Variants in TNIP2 observed in about 807,000 individuals in gnomAD.
TNIP2 encodes the protein TNFAIP3 interacting protein 2.
Under a neutral mutation model 43.7 loss-of-function variants are expected in TNIP2, and 30 were observed. That is an observed-to-expected ratio of 0.69 (90% CI 0.51 to 0.93). The LOEUF is 0.93. Among genes scored for constraint, TNIP2 ranks in the 40% least tolerant of loss-of-function variants. The pLI, the probability that TNIP2 is intolerant of heterozygous loss-of-function variation, is 0.00. For synonymous variants in TNIP2, 260 were observed against 254.6 expected (o/e 1.02, Z -0.20); for missense variants, 599 against 591.0 (o/e 1.01, Z -0.14).
chr4:2,747,072 A>C (rs115578443), intron 2 of TNIP2, among the ~76,000 whole-genome samples: 5,943 of 152,262 alleles, frequency 0.039, 285 homozygotes, highest in African/African-American at 0.11. Context: ...GATGATGAGG[A>C]GGCTGTGGCC....
intron 1 of TNIP2, among the ~76,000 whole-genome samples, chr4:2,749,881 G>A (rs966247266): frequency 1.3e-5 from 2 of 151,914 alleles, no homozygotes; most frequent in African/African-American, 2.4e-5. Context: ...GTGCCACCAT[G>A]GTTCACTGTA....
intron 2 of TNIP2, chr4:2,745,893 C>G: frequency 4.4e-6 from 1 of 227,138 alleles, no homozygotes; most frequent in South Asian, 1.1e-4. Flanking sequence ...ATGATAAAGT[C>G]TTCTCATTGC....
intron 5 of TNIP2, among the ~76,000 whole-genome samples, chr4:2,742,837 G>A (rs1721832281): frequency 6.6e-6 from 1 of 152,226 alleles, no homozygotes; most frequent in South Asian, 2.1e-4. Context: ...TGATGACGTG[G>A]CCCACAGGCC....
chr4:2,752,931 G>A (rs1014124286), intron 1 of TNIP2, among the ~76,000 whole-genome samples: 1 of 151,648 alleles, frequency 6.6e-6, no homozygotes, highest in African/African-American at 2.4e-5. Flanking sequence ...CTTGTGGTAG[G>A]CTCTTCGCCT....
chr4:2,748,217 C>T (rs1269109354), intron 1 of TNIP2, among the ~76,000 whole-genome samples: 1 of 152,028 alleles, frequency 6.6e-6, no homozygotes, highest in African/African-American at 2.4e-5. Context: ...ACTCTGTTGC[C>T]CAGGCTGGAG....
In TNIP2 at chr4:2,747,958, T is replaced by C. The variant is rs762991582; in HGVS notation, c.277-13A>G. On this transcript the variant is annotated splice_polypyrimidine_tract_variant and intron_variant, in intron 1 of 5. Transcript: ENST00000315423. The stretch of plus-strand genomic sequence containing the variant: ...GCCTCTCAATTTCCTAAGTGGAAGA[T>C]TTAAAAGCACAGTTTACTGAATTAA... 6.2e-7 allele frequency: 1 copy of C among 1,607,504 alleles called. No individual in the cohort carries two copies. The highest frequency in any genetic ancestry group is 8.5e-7 in the Non-Finnish European group (1 of 1,178,160).
At chr4:2,748,997 C>G (rs1722033067) in intron 1 of TNIP2, among the ~76,000 whole-genome samples, 1 of 151,674 alleles carries the variant, frequency 6.6e-6, no homozygotes, top group South Asian at 2.1e-4. Context: ...TGCTGTGATG[C>G]TCAGGCTGGT....
intron 1 of TNIP2, among the ~76,000 whole-genome samples, chr4:2,748,303 G>A (rs2109486447): frequency 6.6e-6 from 1 of 151,896 alleles, no homozygotes; most frequent in South Asian, 2.1e-4. Flanking sequence ...AGCCTCCTCA[G>A]TAGCTGGGAT....
chr4:2,743,227 G>A (rs1333081164), intron 5 of TNIP2, among the ~76,000 whole-genome samples: 2 of 152,082 alleles, frequency 1.3e-5, no homozygotes, highest in Non-Finnish European at 2.9e-5. Context: ...CAACCCTCGA[G>A]GGGCCACAGG....
intron 1 of TNIP2, among the ~76,000 whole-genome samples, chr4:2,752,048 T>C (rs1400545665): frequency 6.9e-6 from 1 of 145,940 alleles, no homozygotes; most frequent in Non-Finnish European, 1.5e-5. Context: ...GAGGTTGCAC[T>C]GAGCCAAGAT....
chr4:2,755,186 TACAC>T (rs915522115), intron 1 of TNIP2, among the ~76,000 whole-genome samples: 1 of 151,448 alleles, frequency 6.6e-6, no homozygotes, highest in African/African-American at 2.4e-5. Context: ...CATGTGTGCG[TACAC>T]ACACACACCA....
At chr4:2,749,310 T>G (rs374174837) in intron 1 of TNIP2, among the ~76,000 whole-genome samples, 8 of 152,184 alleles carry the variant, frequency 5.3e-5, no homozygotes, top group African/African-American at 1.9e-4. Flanking sequence ...AAGCACTTTT[T>G]TGATGGGATA....
chr4:2,742,649 G>A lies in TNIP2; in HGVS notation c.1027-129C>T, dbSNP rs949189922. The A allele has an allele frequency of 4.9e-6, 5 of 1,026,888 alleles. No homozygotes were observed. The Admixed American group carries it at 1.2e-4, about 26-fold the overall frequency. 63.6% of individuals were successfully genotyped at this position (1,026,888 alleles called of 1,614,324 possible). A position where few individuals can be genotyped will look rare whatever the true frequency, so the allele number is the denominator to read the frequency against. ...ACTTCAGCCCCTCACTTTGCTTCCT[G>A]CTGCGCCCCAGAGCCCAGACAAGGG... On this transcript the variant is annotated intron_variant, in intron 5 of 5. Coordinates refer to ENST00000315423, the MANE Select transcript of TNIP2 (RefSeq NM_024309.4).
rs750341649 is a variant in TNIP2 at position 2,747,690 on chromosome 4, C to G, written c.532G>C (p.Ala178Pro). 3 of 1,601,282 alleles carry G rather than the reference C, an allele frequency of 1.9e-6. No individual in the cohort carries two copies. Among genetic ancestry groups the G allele is most frequent in the Non-Finnish European group, 2.5e-6 (3 of 1,179,614 alleles). Residue 178 changes from alanine (A) to proline (P), a missense_variant, in exon 2 of 6, where the codon GCA (alanine) becomes CCA (proline). Physicochemically the swap from Ala to Pro is conservative, Grantham distance 27 (BLOSUM62 -1). Transcript: ENST00000315423. ...CTTCTCTCCCCCACATTCCTTTGTG[C>G]ATGCTGTCGTTCATCCAGACACTTG... ...LAKCLDERQH[A>P]QRNVGERSPD...
intron 2 of TNIP2, 48 bp downstream of exon 2, chr4:2,747,607 C>T (rs1370811844): frequency 7.7e-6 from 12 of 1,555,912 alleles, no homozygotes; most frequent in South Asian, 5.9e-5. Context: ...AGGCGATGCT[C>T]CCAGCACACA....
intron 1 of TNIP2, 87 bp from the exon 2 acceptor site, chr4:2,748,032 C>T (rs16843349): frequency 0.044 from 61,760 of 1,407,392 alleles, 2,071 homozygotes; most frequent in African/African-American, 0.16. Context: ...GAAGACCTGG[C>T]GTGGATGCCC....
chr4:2,756,227 G>A lies in TNIP2; in HGVS notation c.63C>T (p.Cys21=), dbSNP rs534489581. 4 of 1,461,020 alleles carry A rather than the reference G, an allele frequency of 2.7e-6. No homozygotes were observed. Among genetic ancestry groups the A allele is most frequent in the Middle Eastern group, 2.4e-4 (1 of 4,190 alleles). The allele number at this position is 1,461,020 out of a possible 1,614,324, so 90.5% of individuals were successfully genotyped here. A position where few individuals can be genotyped will look rare whatever the true frequency, so the allele number is the denominator to read the frequency against. Residue 21 remains cysteine (C), a synonymous_variant, in exon 1 of 6, where the codon TGC becomes TGT. Transcript: ENST00000315423. ...EEAPRAAAAL[C]TLYHEAGQRL... ...GCTGTCCGGCCTCGTGGTACAGGGT[G>A]CAGAGCGCGGCAGCTGCGCGCGGGG...
At chr4:2,755,866 C>A in intron 1 of TNIP2, 148 bp downstream of exon 1, 9 of 1,157,562 alleles carry the variant, frequency 7.8e-6, no homozygotes, top group Non-Finnish European at 1.0e-5. Flanking sequence ...CTCCCCCAAC[C>A]CCTCAGGACC....
intron 2 of TNIP2, 61 bp from the exon 3 acceptor site, chr4:2,745,596 T>G: frequency 8.1e-7 from 1 of 1,233,858 alleles, no homozygotes; most frequent in Non-Finnish European, 1.2e-6. Flanking sequence ...GGGAGAAAGC[T>G]AGACCCAGAG....
Sources: allele counts gnomAD v4.1 joint callset (sites outside exome capture counted in the v4.1 genomes callset), GRCh38; gene constraint gnomAD v4.1.1; transcripts MANE v1.5; gene names NCBI Gene and HGNC (gene_info 2026-07-23, HGNC 2026-07-21).